CCSER1: variants seen among roughly 807,000 people sequenced by gnomAD.
CCSER1 encodes serine-rich coiled-coil domain-containing protein 1.
In CCSER1, 41 loss-of-function variants were observed where a neutral mutation model predicts 82.0. That is an observed-to-expected ratio of 0.50 (90% CI 0.39 to 0.65). CCSER1 has a LOEUF of 0.65. Among genes scored for constraint, CCSER1 ranks in the 30% least tolerant of loss-of-function variants. CCSER1 has a pLI of 0.00. For synonymous variants in CCSER1, 414 were observed against 383.9 expected (o/e 1.08, Z -0.92); for missense variants, 1,119 against 1,064.2 (o/e 1.05, Z -0.72).
chr4:90,189,590 C>T (rs758562300), intron 1 of CCSER1, among the ~76,000 whole-genome samples: 6 of 151,506 alleles, frequency 4.0e-5, no homozygotes, highest in Middle Eastern at 3.4e-3. Flanking sequence ...ACCATAGAGA[C>T]GTTGTGTTTA....
chr4:90,568,785 G>C (rs1301012487), intron 5 of CCSER1, among the ~76,000 whole-genome samples: 7 of 136,132 alleles, frequency 5.1e-5, no homozygotes, highest in East Asian at 4.4e-4. Context: ...TCCTTTTTGA[G>C]ACAGTCTCAC....
At chr4:90,852,140 G>A (rs956703708) in intron 8 of CCSER1, among the ~76,000 whole-genome samples, 4 of 152,120 alleles carry the variant, frequency 2.6e-5, no homozygotes, top group African/African-American at 9.7e-5. Context: ...GCAGATATAA[G>A]GAACAAACTT....
intron 10 of CCSER1, among the ~76,000 whole-genome samples, chr4:91,432,611 T>A (rs6844266): frequency 2.0e-5 from 3 of 152,150 alleles, no homozygotes; most frequent in Admixed American, 2.0e-4. Flanking sequence ...TATCTCTATG[T>A]AGATTTATTT....
intron 1 of CCSER1, among the ~76,000 whole-genome samples, chr4:90,147,397 G>T (rs1458980540): frequency 1.3e-5 from 2 of 152,018 alleles, no homozygotes; most frequent in Non-Finnish European, 2.9e-5. Flanking sequence ...CTGCTTATTA[G>T]GTCAAAAGTA....
At chr4:90,314,126 C>T (rs1363904909) in intron 3 of CCSER1, among the ~76,000 whole-genome samples, 1 of 151,970 alleles carries the variant, frequency 6.6e-6, no homozygotes, top group Non-Finnish European at 1.5e-5. Flanking sequence ...CTGGTGTGAC[C>T]ATTTCTTAAT....
chr4:90,610,126 A>G (rs2148815220), intron 5 of CCSER1, among the ~76,000 whole-genome samples: 1 of 151,794 alleles, frequency 6.6e-6, no homozygotes, highest in African/African-American at 2.4e-5. Context: ...GGTGGCGGGC[A>G]CCTGTAGTCC....
At chr4:90,597,485 C>T (rs1268054071) in intron 5 of CCSER1, among the ~76,000 whole-genome samples, 1 of 151,834 alleles carries the variant, frequency 6.6e-6, no homozygotes, top group Admixed American at 6.6e-5. Flanking sequence ...AAACCATTAC[C>T]AAGATTGAGA....
At chr4:90,646,872 T>G (rs12505502) in intron 6 of CCSER1, among the ~76,000 whole-genome samples, 62,146 of 151,880 alleles carry the variant, frequency 0.41, 13,136 homozygotes, top group Middle Eastern at 0.51. Flanking sequence ...AGCAAAAGTG[T>G]CCTGGGATCC....
At chr4:90,280,393 C>A (rs958934038) in intron 1 of CCSER1, among the ~76,000 whole-genome samples, 2 of 151,884 alleles carry the variant, frequency 1.3e-5, no homozygotes, top group South Asian at 4.2e-4. Context: ...CCTTCCATCT[C>A]CTGTTTTTTT....
At chr4:91,442,999 A>G (rs1222448848) in intron 10 of CCSER1, among the ~76,000 whole-genome samples, 3 of 152,122 alleles carry the variant, frequency 2.0e-5, no homozygotes. Flanking sequence ...ATGTGGAGAA[A>G]CAGGAACACT....
intron 3 of CCSER1, among the ~76,000 whole-genome samples, chr4:90,352,778 A>C (rs1561079760): frequency 6.6e-6 from 1 of 152,144 alleles, no homozygotes; most frequent in Non-Finnish European, 1.5e-5. Flanking sequence ...AAAATGGGGG[A>C]ATAATATATA....
chr4:90,519,907 G>A (rs1772861308), intron 5 of CCSER1, among the ~76,000 whole-genome samples: 1 of 151,754 alleles, frequency 6.6e-6, no homozygotes, highest in Non-Finnish European at 1.5e-5. Flanking sequence ...TCAAAAACAC[G>A]GTTTTCTTTG....
chr4:90,438,064 T>C (rs1240597677), intron 4 of CCSER1, among the ~76,000 whole-genome samples: 6 of 152,134 alleles, frequency 3.9e-5, no homozygotes. Context: ...ATAAAGTTAT[T>C]GTGAAATTAA....
Position 90,591,997 on chromosome 4 carries a change from G to A in CCSER1, c.1725-36028G>A, listed in dbSNP as rs574004608. On this transcript the variant is annotated intron_variant, in intron 5 of 10. Transcript: ENST00000509176. Reference sequence around the variant, plus strand: ...GGAGTTGAACAATGAGAACACATGGGCACAGGGAGGGAAACATTACACACG... The same window carrying A: ...GGAGTTGAACAATGAGAACACATGGACACAGGGAGGGAAACATTACACACG... Among the ~76,000 whole-genome samples, 189 of 152,108 alleles carry A rather than the reference G, an allele frequency of 1.2e-3. 1 individual carries two copies. The highest frequency in any genetic ancestry group is 0.01 in the Middle Eastern group (3 of 294).
chr4:91,547,397 C>T (rs891616552), intron 10 of CCSER1, among the ~76,000 whole-genome samples: 1 of 152,140 alleles, frequency 6.6e-6, no homozygotes. Flanking sequence ...GGCACATACA[C>T]GTTAAGGATT....
chr4:90,870,985 G>A lies in CCSER1; in HGVS notation c.2095-52385G>A, dbSNP rs114465981. ...TTCCTTTTTTAATGTATGTTTGCTC[G>A]TTTCTAATGATCTTTTGAATTTCTC... On this transcript the variant is annotated intron_variant, in intron 8 of 10. Coordinates refer to ENST00000509176, the MANE Select transcript of CCSER1 (RefSeq NM_001145065.2). Among the ~76,000 whole-genome samples the A allele has an allele frequency of 9.7e-3, 1,452 of 149,802 alleles. 24 individuals are homozygous for A. The highest frequency in any genetic ancestry group is 0.034 in the African/African-American group (1,375 of 41,000).
intron 9 of CCSER1, among the ~76,000 whole-genome samples, chr4:91,022,402 T>G (rs1740075341): frequency 6.6e-6 from 1 of 152,128 alleles, no homozygotes; most frequent in Non-Finnish European, 1.5e-5. Flanking sequence ...CTTAATCCAG[T>G]CTACCATTGT....
At chr4:91,120,742 G>A (rs1298930043) in intron 10 of CCSER1, among the ~76,000 whole-genome samples, 1 of 151,826 alleles carries the variant, frequency 6.6e-6, no homozygotes, top group African/African-American at 2.4e-5. Flanking sequence ...AGAGAAAATG[G>A]GCCAGATTAC....
chr4:90,986,930 G>A (rs1364212476), intron 9 of CCSER1, among the ~76,000 whole-genome samples: 2 of 151,708 alleles, frequency 1.3e-5, no homozygotes, highest in Non-Finnish European at 2.9e-5. Flanking sequence ...GAGAGAGAAT[G>A]AGGGAAGAGT....
Sources: allele counts gnomAD v4.1 joint callset (sites outside exome capture counted in the v4.1 genomes callset), GRCh38; gene constraint gnomAD v4.1.1; transcripts MANE v1.5; gene names NCBI Gene and HGNC (gene_info 2026-07-23, HGNC 2026-07-21).